CHST9: variants seen among roughly 807,000 people sequenced by gnomAD.
CHST9 encodes the protein carbohydrate sulfotransferase 9.
A neutral mutation model predicts 44.4 loss-of-function variants in CHST9; 41 were observed. The ratio of observed to expected loss-of-function variants is 0.92; its 90% CI spans 0.72 to 1.20. The LOEUF (loss-of-function observed/expected upper bound fraction) is 1.20. Ranked by LOEUF, CHST9 falls within the 50% of genes most tolerant of loss-of-function variation. CHST9 has a pLI of 0.00. For synonymous variants in CHST9, 171 were observed against 178.4 expected, an observed-to-expected ratio of 0.96 and a Z score of 0.33; for missense variants, 504 against 516.5, an observed-to-expected ratio of 0.98 and a Z score of 0.23.
At chr18:27,071,594 T>C (rs563001469) in intron 2 of CHST9, among the ~76,000 whole-genome samples, 1 of 152,364 alleles carries the variant, frequency 6.6e-6, no homozygotes, top group Admixed American at 6.5e-5. Context: ...ATTGTTGCAT[T>C]CCTCTAAGTG....
chr18:26,983,992 G>A (rs897229126), intron 4 of CHST9, among the ~76,000 whole-genome samples: 2 of 152,068 alleles, frequency 1.3e-5, no homozygotes, highest in Admixed American at 6.6e-5. Flanking sequence ...CATTCCCAGT[G>A]GTTTTCAACC....
chr18:27,125,510 C>T (rs1232358706), intron 2 of CHST9, among the ~76,000 whole-genome samples: 1 of 152,166 alleles, frequency 6.6e-6, no homozygotes, highest in Non-Finnish European at 1.5e-5. Context: ...GTATTGGTTT[C>T]TCTCTAAATA....
chr18:27,024,234 G>T, intron 3 of CHST9, 77 bp from the exon 4 acceptor site: 2 of 1,107,484 alleles, frequency 1.8e-6, no homozygotes, highest in Non-Finnish European at 1.3e-6. Context: ...ACACAAAGAT[G>T]CCTCAAAGCC....
chr18:27,102,565 A>G (rs770009175), intron 2 of CHST9, among the ~76,000 whole-genome samples: 11 of 152,262 alleles, frequency 7.2e-5, no homozygotes, highest in African/African-American at 1.4e-4. Flanking sequence ...GGGGAAATAT[A>G]GAATCTTATT....
At chr18:26,948,715 C>T (rs922025303) in intron 4 of CHST9, among the ~76,000 whole-genome samples, 1 of 152,094 alleles carries the variant, frequency 6.6e-6, no homozygotes, top group Non-Finnish European at 1.5e-5. Flanking sequence ...GGCTTGTTTG[C>T]CTATCTATAA....
At chr18:26,983,210 T>TC (rs1382674089) in intron 4 of CHST9, among the ~76,000 whole-genome samples, 2 of 152,218 alleles carry the variant, frequency 1.3e-5, no homozygotes, top group African/African-American at 2.4e-5. Flanking sequence ...TCAAATTTAG[T>TC]GGACATCAGA....
chr18:26,946,787 A>C (rs2056169754), intron 4 of CHST9, among the ~76,000 whole-genome samples: 1 of 150,254 alleles, frequency 6.7e-6, no homozygotes, highest in Admixed American at 6.6e-5. Context: ...TCCTTTCCCC[A>C]TTGCTTGCTT....
At chr18:26,938,757 C>T (rs2056037662) in intron 5 of CHST9, among the ~76,000 whole-genome samples, 1 of 152,154 alleles carries the variant, frequency 6.6e-6, no homozygotes. Context: ...ATCTCCCTGC[C>T]CTTCAATTCT....
At chr18:27,120,919 C>T (rs1033142283) in intron 2 of CHST9, among the ~76,000 whole-genome samples, 1 of 152,126 alleles carries the variant, frequency 6.6e-6, no homozygotes, top group Non-Finnish European at 1.5e-5. Flanking sequence ...ATTTTGTGAG[C>T]TCCTTTAAGA....
intron 2 of CHST9, among the ~76,000 whole-genome samples, chr18:27,105,415 G>T (rs943991589): frequency 8.5e-5 from 13 of 152,062 alleles, no homozygotes; most frequent in African/African-American, 3.1e-4. Context: ...TTGTGATTTA[G>T]AACCTGGAGA....
chr18:26,999,738 C>G (rs2056927079), intron 4 of CHST9, among the ~76,000 whole-genome samples: 2 of 151,990 alleles, frequency 1.3e-5, no homozygotes, highest in Admixed American at 6.6e-5. Flanking sequence ...TCCAAATTAC[C>G]TACCTTTCAG....
chr18:26,998,279 A>G (rs935668467), intron 4 of CHST9, among the ~76,000 whole-genome samples: 3 of 152,210 alleles, frequency 2.0e-5, no homozygotes, highest in African/African-American at 7.2e-5. Flanking sequence ...CCTTTGAGGG[A>G]ACAAATCCCA....
At chr18:26,920,854 T>G (rs2055637832) in intron 5 of CHST9, among the ~76,000 whole-genome samples, 1 of 152,198 alleles carries the variant, frequency 6.6e-6, no homozygotes, top group African/African-American at 2.4e-5. Flanking sequence ...GGAGGCTTCG[T>G]GTTTAACCTG....
rs1364098315 is a variant in CHST9 at position 27,123,731 on chromosome 18, CA to C, written c.121+18957del. Among the ~76,000 whole-genome samples the C allele has an allele frequency of 6.6e-5, 10 of 152,318 alleles. No homozygotes were observed. In the East Asian group the frequency reaches 1.9e-3, roughly 29 times the overall value. ...GAGAGTATTTCTTATGTGCTGACAT[CA>C]AGAACATGGTCTGCTAGGATCTGAG... On this transcript the variant is annotated intron_variant, in intron 2 of 5. Coordinates refer to ENST00000618847, the MANE Select transcript of CHST9 (RefSeq NM_031422.6).
At chr18:27,151,456 C>A (rs1247464759) in intron 1 of CHST9, among the ~76,000 whole-genome samples, 1 of 152,122 alleles carries the variant, frequency 6.6e-6, no homozygotes, top group African/African-American at 2.4e-5. Context: ...TAATGAGTCT[C>A]CCAAAAGGTC....
At chr18:26,950,683 G>A (rs1246873319) in intron 4 of CHST9, among the ~76,000 whole-genome samples, 1 of 152,128 alleles carries the variant, frequency 6.6e-6, no homozygotes, top group Non-Finnish European at 1.5e-5. Flanking sequence ...AGGATGCAAA[G>A]GTGTAGAAAT....
At chr18:27,179,550 G>C (rs957598927) in intron 1 of CHST9, among the ~76,000 whole-genome samples, 1 of 152,046 alleles carries the variant, frequency 6.6e-6, no homozygotes, top group Non-Finnish European at 1.5e-5. Flanking sequence ...ACAAATTATT[G>C]GTGGTGGTAG....
At chr18:27,180,437 G>A (rs1175666705) in intron 1 of CHST9, among the ~76,000 whole-genome samples, 1 of 152,154 alleles carries the variant, frequency 6.6e-6, no homozygotes, top group East Asian at 1.9e-4. Flanking sequence ...GACAGAGTCT[G>A]AGAGGGTCAA....
Position 26,914,669 on chromosome 18 carries a change from G to A in CHST9, c.*1590C>T, listed in dbSNP as rs188434656. 5.2e-4 allele frequency: 180 copies of A among 345,862 alleles called. 1 individual carries two copies. Among genetic ancestry groups the A allele is most frequent in the African/African-American group, 3.0e-3 (144 of 47,640 alleles). 21.4% of individuals were successfully genotyped at this position (345,862 alleles called of 1,614,324 possible). On this transcript the variant is annotated 3_prime_UTR_variant, in exon 6 of 6. Coordinates refer to ENST00000618847, the MANE Select transcript of CHST9 (RefSeq NM_031422.6). Reference sequence around the variant, plus strand: ...TCCTTAGGAGACACAGATGGGACACGGCAGGTGTGTGTAAGGAGCGAAGCA... The same window carrying A: ...TCCTTAGGAGACACAGATGGGACACAGCAGGTGTGTGTAAGGAGCGAAGCA...
Sources: gnomAD v4.1 joint callset for allele counts (sites outside exome capture counted in the v4.1 genomes callset) on GRCh38, gnomAD v4.1.1 for gene constraint, MANE v1.5 for transcripts, NCBI Gene and HGNC (gene_info 2026-07-23, HGNC 2026-07-21) for gene names.